Variants in ZFPM1 observed in about 807,000 individuals in gnomAD.
ZFPM1 encodes the protein zinc finger protein, FOG family member 1, also known as zinc finger protein ZFPM1.
In ZFPM1, 28 loss-of-function variants were observed where a neutral mutation model predicts 46.3. That is an observed-to-expected ratio of 0.60 (90% confidence interval 0.45 to 0.83). The LOEUF is 0.83. Among genes scored for constraint, ZFPM1 ranks in the 40% least tolerant of loss-of-function variants. The pLI is 0.00. For synonymous variants in ZFPM1, 957 were observed against 675.9 expected (o/e 1.42, Z -6.45); for missense variants, 1,878 against 1,432.4 (o/e 1.31, Z -5.02).
At chr16:88,474,759 G>A (rs1026018134) in intron 1 of ZFPM1, among the ~76,000 whole-genome samples, 2 of 152,190 alleles carry the variant, frequency 1.3e-5, no homozygotes, top group African/African-American at 4.8e-5. Flanking sequence ...CCCACACATA[G>A]GATGTTCATT....
chr16:88,514,627 G>T (rs1597266948), intron 4 of ZFPM1, 107 bp downstream of exon 4: 1 of 1,353,594 alleles, frequency 7.4e-7, no homozygotes, highest in South Asian at 1.5e-5. Context: ...CTGGCCACTT[G>T]AAGATGTGGG....
At chr16:88,516,415 C>G in intron 4 of ZFPM1, 2 of 397,844 alleles carry the variant, frequency 5.0e-6, no homozygotes, top group Non-Finnish European at 8.8e-6. Flanking sequence ...GAGATAACGT[C>G]TGGGGGCACA....
Position 88,533,928 on chromosome 16 carries a change from G to A in ZFPM1, c.1970G>A (p.Gly657Asp), listed in dbSNP as rs1048350369. 2.4e-6 allele frequency: 3 copies of A among 1,246,514 alleles called. No individual in the cohort carries two copies. Among genetic ancestry groups the A allele is most frequent in the Non-Finnish European group, 3.1e-6 (3 of 975,482 alleles). 77.2% of individuals were successfully genotyped at this position (1,246,514 alleles called of 1,614,324 possible). The change falls in exon 10 of 10, where the codon GGC becomes GAC. Residue 657 changes from glycine (G) to aspartate (D), a missense_variant. Gly to Asp is a moderately conservative substitution (Grantham distance 94). Coordinates refer to ENST00000319555, the MANE Select transcript of ZFPM1 (RefSeq NM_153813.3). ...GGGGGCGCGGCCACGCCCGAGGACGGCGCGGGCGGCCGGGGCAGCGAGGGC... is the reference window on the plus strand; with the variant it reads ...GGGGGCGCGGCCACGCCCGAGGACGACGCGGGCGGCCGGGGCAGCGAGGGC... ...GAGGAATPED[G>D]AGGRGSEGSQ...
chr16:88,501,943 C>T (rs1433477463), intron 3 of ZFPM1, among the ~76,000 whole-genome samples: 3 of 152,084 alleles, frequency 2.0e-5, no homozygotes, highest in Non-Finnish European at 2.9e-5. Flanking sequence ...GTGGTTCATC[C>T]GAGGTGGAGA....
At chr16:88,490,606 A>G (rs1393562655) in intron 3 of ZFPM1, among the ~76,000 whole-genome samples, 1 of 152,174 alleles carries the variant, frequency 6.6e-6, no homozygotes, top group East Asian at 1.9e-4. Flanking sequence ...CGATGGGTCC[A>G]TGTGCCCGCC....
chr16:88,487,238 G>A (rs537126551), intron 2 of ZFPM1, among the ~76,000 whole-genome samples: 4 of 152,264 alleles, frequency 2.6e-5, no homozygotes, highest in South Asian at 2.1e-4. Flanking sequence ...TCCAAGGTCC[G>A]AGAGAGACAG....
At chr16:88,503,075 A>T (rs892818874) in intron 3 of ZFPM1, among the ~76,000 whole-genome samples, 1 of 152,226 alleles carries the variant, frequency 6.6e-6, no homozygotes, top group African/African-American at 2.4e-5. Flanking sequence ...TGGGTGGATG[A>T]GCACGGCGCC....
intron 3 of ZFPM1, among the ~76,000 whole-genome samples, chr16:88,490,672 G>A (rs973561882): frequency 6.6e-6 from 1 of 152,186 alleles, no homozygotes; most frequent in African/African-American, 2.4e-5. Context: ...CAGGGCAGCC[G>A]GGGCCACAGA....
chr16:88,524,246 C>A (rs1177797953), intron 4 of ZFPM1, among the ~76,000 whole-genome samples: 1 of 152,212 alleles, frequency 6.6e-6, no homozygotes, highest in Non-Finnish European at 1.5e-5. Context: ...GCAGCCTCGC[C>A]GAGCGCTGCC....
intron 4 of ZFPM1, among the ~76,000 whole-genome samples, chr16:88,515,585 G>A (rs941336906): frequency 2.0e-5 from 3 of 152,258 alleles, no homozygotes; most frequent in Admixed American, 1.3e-4. Flanking sequence ...GCAGCTGGGC[G>A]GGTCACGTGA....
chr16:88,531,601 A>G (rs1395613902), intron 6 of ZFPM1, among the ~76,000 whole-genome samples: 1 of 152,292 alleles, frequency 6.6e-6, no homozygotes, highest in South Asian at 2.1e-4. Context: ...CTGCACGCAC[A>G]TCTGTACACA....
chr16:88,500,066 G>T (rs1171737208), intron 3 of ZFPM1, among the ~76,000 whole-genome samples: 1 of 152,212 alleles, frequency 6.6e-6, no homozygotes, highest in Non-Finnish European at 1.5e-5. Context: ...AGCCTATCTC[G>T]GCCGCAGGCG....
chr16:88,524,595 G>A (rs1159408825), intron 4 of ZFPM1, among the ~76,000 whole-genome samples: 1 of 152,254 alleles, frequency 6.6e-6, no homozygotes, highest in African/African-American at 2.4e-5. Flanking sequence ...GTCCTGCCAG[G>A]TCAACCCAAA....
At chr16:88,496,263 C>T (rs1339010301) in intron 3 of ZFPM1, among the ~76,000 whole-genome samples, 1 of 152,090 alleles carries the variant, frequency 6.6e-6, no homozygotes, top group Non-Finnish European at 1.5e-5. Context: ...GATGTGACAG[C>T]GGCGGGGCTG....
At chr16:88,503,396 C>T (rs1314687602) in intron 3 of ZFPM1, among the ~76,000 whole-genome samples, 3 of 127,802 alleles carry the variant, frequency 2.3e-5, no homozygotes, top group Non-Finnish European at 4.9e-5. Context: ...GCCACGGTTC[C>T]TGAGTGCAGG....
At chr16:88,461,574 C>T (rs1037414192) in intron 1 of ZFPM1, among the ~76,000 whole-genome samples, 4 of 152,150 alleles carry the variant, frequency 2.6e-5, no homozygotes, top group Non-Finnish European at 5.9e-5. Context: ...GTGTGGGGTG[C>T]AGGCTGGGAA....
intron 1 of ZFPM1, among the ~76,000 whole-genome samples, chr16:88,460,275 T>A (rs1444158375): frequency 6.6e-6 from 1 of 152,160 alleles, no homozygotes; most frequent in African/African-American, 2.4e-5. Flanking sequence ...AGCCTACTGT[T>A]GGCAGGGCCC....
At chr16:88,474,584 C>CG (rs1485293023) in intron 1 of ZFPM1, among the ~76,000 whole-genome samples, 2 of 151,918 alleles carry the variant, frequency 1.3e-5, no homozygotes, top group Non-Finnish European at 2.9e-5. Context: ...CTTCGGGGGG[C>CG]GGGGGGCTCT....
intron 1 of ZFPM1, among the ~76,000 whole-genome samples, chr16:88,470,956 C>T (rs1351209525): frequency 1.3e-5 from 2 of 152,096 alleles, no homozygotes; most frequent in African/African-American, 2.4e-5. Flanking sequence ...GGGCGGGAGA[C>T]GCAGCGTGAC....
Sources: gnomAD v4.1 joint callset for allele counts (sites outside exome capture counted in the v4.1 genomes callset) on GRCh38, gnomAD v4.1.1 for gene constraint, MANE v1.5 for transcripts, NCBI Gene and HGNC (gene_info 2026-07-23, HGNC 2026-07-21) for gene names.